Variants in CDH4 observed in about 807,000 individuals in gnomAD.
CDH4 encodes the protein cadherin-4.
A neutral mutation model predicts 86.0 loss-of-function variants in CDH4; 33 were observed. The ratio of observed to expected loss-of-function variants is 0.38; its 90% CI spans 0.29 to 0.51. The LOEUF is 0.51. Among genes scored for constraint, CDH4 ranks in the 20% least tolerant of loss-of-function variants. The probability of loss-of-function intolerance (pLI) is 0.86; values close to 1 mark genes in which losing one functional copy is unlikely to be tolerated. For missense variants in CDH4, 1,114 were observed against 1,307.4 expected (o/e 0.85, Z 2.28); for synonymous variants, 555 against 549.4 (o/e 1.01, Z -0.14).
intron 2 of CDH4, among the ~76,000 whole-genome samples, chr20:61,631,549 G>A (rs918539011): frequency 2.6e-5 from 4 of 152,192 alleles, no homozygotes; most frequent in Non-Finnish European, 4.4e-5. Flanking sequence ...GGAGGCTGAA[G>A]CAGGAGAATC....
rs189642907 is a variant in CDH4, at chr20:61,360,024, G to C, written c.169+105087G>C. Among the ~76,000 whole-genome samples the C allele has an allele frequency of 4.1e-4, 62 of 152,296 alleles. No homozygotes were observed. In the East Asian group the frequency reaches 0.012, roughly 29 times the overall value. ...TCCTGGTTCCAAAAAGAAGCAAACT[G>C]CCACACCCAGTTTTCACTTCTCATT... is the stretch of plus-strand genomic sequence containing the variant. On this transcript the variant is annotated intron_variant, in intron 2 of 15. Coordinates refer to ENST00000614565, the MANE Select transcript of CDH4 (RefSeq NM_001794.5).
intron 2 of CDH4, among the ~76,000 whole-genome samples, chr20:61,416,279 C>A (rs1317949092): frequency 6.6e-6 from 1 of 152,170 alleles, no homozygotes; most frequent in Admixed American, 6.5e-5. Context: ...GGATTACAGG[C>A]GTGAGCCACC....
At chr20:61,795,529 G>A (rs979293859) in intron 4 of CDH4, among the ~76,000 whole-genome samples, 5 of 152,194 alleles carry the variant, frequency 3.3e-5, no homozygotes, top group African/African-American at 1.2e-4. Flanking sequence ...CACATACGTT[G>A]TGCTTGGGGA....
intron 2 of CDH4, among the ~76,000 whole-genome samples, chr20:61,266,062 G>A (rs887822224): frequency 6.6e-6 from 1 of 152,158 alleles, no homozygotes; most frequent in African/African-American, 2.4e-5. Flanking sequence ...AGTATGTGGG[G>A]ATTTAGGGAG....
intron 2 of CDH4, among the ~76,000 whole-genome samples, chr20:61,311,436 T>C (rs6028105): frequency 0.8 from 121,916 of 152,204 alleles, 49,242 homozygotes; most frequent in Non-Finnish European, 0.86. Context: ...CATATAAAGA[T>C]GTAATATAGA....
intron 2 of CDH4, among the ~76,000 whole-genome samples, chr20:61,322,605 C>T (rs2084514756): frequency 6.6e-6 from 1 of 152,186 alleles, no homozygotes; most frequent in Non-Finnish European, 1.5e-5. Context: ...GCTGAGGCAG[C>T]AGGAAGCTGT....
At chr20:61,442,836 T>C (rs1165139224) in intron 2 of CDH4, among the ~76,000 whole-genome samples, 1 of 152,232 alleles carries the variant, frequency 6.6e-6, no homozygotes, top group East Asian at 1.9e-4. Flanking sequence ...GCACTGATCC[T>C]TTTTCTGCAG....
At chr20:61,767,185 C>G (rs1355046158) in intron 3 of CDH4, among the ~76,000 whole-genome samples, 1 of 152,336 alleles carries the variant, frequency 6.6e-6, no homozygotes, top group East Asian at 1.9e-4. Context: ...ACCCCGCCCC[C>G]ACATGAGCAT....
At chr20:61,296,310 T>C (rs963976659) in intron 2 of CDH4, among the ~76,000 whole-genome samples, 1 of 149,784 alleles carries the variant, frequency 6.7e-6, no homozygotes, top group Non-Finnish European at 1.5e-5. Context: ...TGGGTGCGTG[T>C]GTGTGCATGC....
intron 2 of CDH4, among the ~76,000 whole-genome samples, chr20:61,607,204 C>G (rs2086652463): frequency 6.6e-6 from 1 of 152,196 alleles, no homozygotes; most frequent in African/African-American, 2.4e-5. Flanking sequence ...GATTTTTAAT[C>G]TGCGCACATA....
At chr20:61,356,360 A>G (rs1277251196) in intron 2 of CDH4, among the ~76,000 whole-genome samples, 2 of 152,172 alleles carry the variant, frequency 1.3e-5, no homozygotes, top group Non-Finnish European at 2.9e-5. Flanking sequence ...GCTGTTTCCC[A>G]GAGTGTCCAG....
chr20:61,268,194 T>G (rs911434536), intron 2 of CDH4, among the ~76,000 whole-genome samples: 14 of 152,110 alleles, frequency 9.2e-5, no homozygotes, highest in South Asian at 2.1e-4. Context: ...GCCCAGGGGG[T>G]GGCATGTAGC....
Position 61,928,234 on chromosome 20 carries a change from A to G in CDH4, c.1816A>G (p.Ile606Val), listed in dbSNP as rs1261003010. ...SGTGTLQIYL[I>V]DINDNAPELL... The stretch of plus-strand genomic sequence containing the variant: ...CACCGGGACCCTCCAGATCTATCTC[A>G]TTGACATCAACGACAACGCCCCTGA... Residue 606 changes from isoleucine to valine, a missense_variant, in exon 12 of 16, where the codon ATT becomes GTT. Physicochemically the swap from Ile to Val is conservative, Grantham distance 29 (BLOSUM62 3). Around this residue, in one of 3 missense-constraint regions of CDH4, gnomAD observed 705 missense variants for 914.1 expected, o/e 0.77. Coordinates refer to ENST00000614565, the MANE Select transcript of CDH4 (RefSeq NM_001794.5). 6.2e-7 allele frequency: 1 copy of G among 1,605,208 alleles called. No homozygotes were observed. Among genetic ancestry groups the G allele is most frequent in the African/African-American group, 1.3e-5 (1 of 74,912 alleles).
In CDH4 at chr20:61,936,741, T is replaced by G. The variant is rs752847393; in HGVS notation, c.2549T>G (p.Leu850Arg). 3.8e-6 allele frequency: 6 copies of G among 1,585,256 alleles called. No homozygotes were observed. Among genetic ancestry groups the G allele is most frequent in the Non-Finnish European group, 5.1e-6 (6 of 1,166,886 alleles). ...GDIGDFINEG[L>R]RAADNDPTAP... ...CTCTGTGTCTGTGACCCCCAGGGAC[T>G]CCGCGCTGCTGACAACGACCCCACG... The change falls in exon 16 of 16, where the codon CTC (leucine) becomes CGC (arginine). Residue 850 changes from leucine (L) to arginine (R), a missense_variant. By Grantham distance (102) the Leu-to-Arg change is moderately radical (BLOSUM62 -2). Around this residue, in one of 3 missense-constraint regions of CDH4, gnomAD observed 188 missense variants for 183.8 expected, o/e 1.02. Coordinates refer to ENST00000614565, the MANE Select transcript of CDH4 (RefSeq NM_001794.5).
At chr20:61,572,240 T>C (rs1245041814) in intron 2 of CDH4, among the ~76,000 whole-genome samples, 2 of 152,228 alleles carry the variant, frequency 1.3e-5, no homozygotes, top group African/African-American at 4.8e-5. Context: ...TCCTGTTTCC[T>C]TGAAGTGTGT....
intron 2 of CDH4, among the ~76,000 whole-genome samples, chr20:61,456,207 C>G (rs2085406117): frequency 6.6e-6 from 1 of 152,172 alleles, no homozygotes; most frequent in Admixed American, 6.5e-5. Context: ...CAGGAACCTG[C>G]TGCCCAGCAT....
At chr20:61,714,171 CA>C (rs545007646) in intron 2 of CDH4, among the ~76,000 whole-genome samples, 11 of 152,126 alleles carry the variant, frequency 7.2e-5, no homozygotes, top group African/African-American at 2.7e-4. Context: ...CTCAGCCTCC[CA>C]AGTAGCTGGA....
intron 2 of CDH4, among the ~76,000 whole-genome samples, chr20:61,359,490 C>T (rs1056890520): frequency 3.9e-5 from 6 of 152,208 alleles, no homozygotes; most frequent in Admixed American, 3.3e-4. Context: ...GGTTCCTTCC[C>T]ACCACCTCCA....
chr20:61,337,470 A>G (rs889607208), intron 2 of CDH4, among the ~76,000 whole-genome samples: 5 of 151,212 alleles, frequency 3.3e-5, no homozygotes, highest in African/African-American at 9.7e-5. Context: ...AAAGAGGGTG[A>G]TGATGATAAT....
Sources: allele counts gnomAD v4.1 joint callset (sites outside exome capture counted in the v4.1 genomes callset), GRCh38; gene constraint gnomAD v4.1.1; regional missense constraint gnomAD v4.1.1; transcripts MANE v1.5; gene names NCBI Gene and HGNC (gene_info 2026-07-23, HGNC 2026-07-21).